Variants in HSPG2 observed in about 807,000 individuals in gnomAD.
The protein encoded by HSPG2 is basement membrane-specific heparan sulfate proteoglycan core protein.
Under a neutral mutation model 526.6 loss-of-function variants are expected in HSPG2, and 278 were observed. That is an observed-to-expected ratio of 0.53 (90% CI 0.48 to 0.58). HSPG2 has a LOEUF of 0.58. Ranked by LOEUF, HSPG2 falls within the 20% of genes least tolerant of loss-of-function variation. HSPG2 has a pLI of 0.00. For synonymous variants in HSPG2, 2,465 were observed against 2,555.4 expected (o/e 0.96, Z 1.07); for missense variants, 5,354 against 6,099.5 (o/e 0.88, Z 4.07).
intron 74 of HSPG2, among the ~76,000 whole-genome samples, chr1:21,838,513 G>A (rs555831939): frequency 4.6e-5 from 7 of 152,408 alleles, no homozygotes; most frequent in African/African-American, 1.7e-4. Context: ...TCCAGGCCCT[G>A]CCCTGAGCAT....
At chr1:21,863,987 G>A in intron 37 of HSPG2, 113 bp downstream of exon 37, 1 of 860,666 alleles carries the variant, frequency 1.2e-6, no homozygotes, top group Admixed American at 2.0e-5. Flanking sequence ...TTGAACCACA[G>A]GCCATGCCCC....
At chr1:21,900,701 A>C (rs994079557) in intron 1 of HSPG2, among the ~76,000 whole-genome samples, 2 of 152,200 alleles carry the variant, frequency 1.3e-5, no homozygotes, top group Admixed American at 6.5e-5. Context: ...CCTGGCCTAC[A>C]GGGTGAAACC....
intron 81 of HSPG2, among the ~76,000 whole-genome samples, 156 bp from the exon 82 acceptor site, chr1:21,831,952 C>T (rs374131505): frequency 2.0e-5 from 3 of 152,088 alleles, no homozygotes; most frequent in Non-Finnish European, 4.4e-5. Context: ...CCTGTCTTGT[C>T]GTCCCTCCCC....
At chr1:21,838,135 C>CAAAAAAAAAA (rs35291473) in intron 74 of HSPG2, among the ~76,000 whole-genome samples, 3 of 75,268 alleles carry the variant, frequency 4.0e-5, no homozygotes, top group African/African-American at 1.1e-4. Flanking sequence ...GATTCTGTCT[C>CAAAAAAAAAA]AAAAAAAAAA....
intron 13 of HSPG2, among the ~76,000 whole-genome samples, chr1:21,882,923 C>G (rs1044176043): frequency 2.6e-5 from 4 of 152,172 alleles, no homozygotes; most frequent in African/African-American, 9.7e-5. Context: ...AATGACCGAG[C>G]ACAGCCCCGG....
intron 1 of HSPG2, among the ~76,000 whole-genome samples, chr1:21,908,912 G>A (rs1036654140): frequency 6.6e-6 from 1 of 152,204 alleles, no homozygotes; most frequent in Non-Finnish European, 1.5e-5. Context: ...TTCGAGACCA[G>A]CCTGACCAAC....
At chr1:21,920,377 A>C (rs1644004722) in intron 1 of HSPG2, among the ~76,000 whole-genome samples, 1 of 152,130 alleles carries the variant, frequency 6.6e-6, no homozygotes, top group Non-Finnish European at 1.5e-5. Flanking sequence ...TAGCAGCCAC[A>C]GGCGTGGAGC....
chr1:21,882,279 TG>T (rs1641574665), intron 13 of HSPG2, among the ~76,000 whole-genome samples: 1 of 152,196 alleles, frequency 6.6e-6, no homozygotes, highest in Non-Finnish European at 1.5e-5. Flanking sequence ...ATCTGTAAGA[TG>T]GTGCTTAAAG....
chr1:21,887,092 G>C lies in HSPG2; in HGVS notation c.1078+123C>G. ...CCAGGGAGAGCAAACAAACAGGCTT[G>C]GGGGACTGGGGAGGGGGGAAAGCGG... On this transcript the variant is annotated intron_variant, in intron 9 of 96. Transcript: ENST00000374695. The surrounding 1 kb of genome is among the most constrained non-coding windows in gnomAD (Gnocchi z 5.0). The C allele has an allele frequency of 1.1e-5, 12 of 1,098,288 alleles. No homozygotes were observed. The highest frequency in any genetic ancestry group is 2.8e-4 in the Middle Eastern group (1 of 3,566). The allele number at this position is 1,098,288 out of a possible 1,614,324, so 68.0% of individuals were successfully genotyped here.
In HSPG2 at chr1:21,831,646, T is replaced by A. The variant is rs372782538; in HGVS notation, c.11352+6A>T. On this transcript the variant is annotated splice_donor_region_variant and intron_variant, in intron 82 of 96. Coordinates refer to ENST00000374695, the MANE Select transcript of HSPG2 (RefSeq NM_005529.7). ...CTGGAAGTAGCAGTATGGGGTTGGGTCTCACCTGGGAGGTCCCATTGACCG... is the reference window on the plus strand; with the variant it reads ...CTGGAAGTAGCAGTATGGGGTTGGGACTCACCTGGGAGGTCCCATTGACCG... The A allele has an allele frequency of 1.2e-6, 2 of 1,609,214 alleles. No individual in the cohort carries two copies. The highest frequency in any genetic ancestry group is 2.7e-5 in the African/African-American group (2 of 74,824).
At chr1:21,914,039 G>C (rs908233120) in intron 1 of HSPG2, among the ~76,000 whole-genome samples, 4 of 152,164 alleles carry the variant, frequency 2.6e-5, no homozygotes, top group African/African-American at 9.7e-5. Context: ...GTGTAGAGAG[G>C]GCCCAGTAAA....
rs1489590198 is a variant in HSPG2, at chr1:21,824,255, G to A, written c.12815+51C>T. On this transcript the variant is annotated intron_variant, in intron 94 of 96. Coordinates refer to ENST00000374695, the MANE Select transcript of HSPG2 (RefSeq NM_005529.7). The surrounding 1 kb of genome is among the most constrained non-coding windows in gnomAD (Gnocchi z 5.9). ...ATGAGCTGGGGCAGGACCGGGGGGT[G>A]GGGTGCTGGGACCAGGGAAGGGAGA... is the stretch of plus-strand genomic sequence containing the variant. 1.9e-6 allele frequency: 3 copies of A among 1,612,572 alleles called. No individual in the cohort carries two copies. Among genetic ancestry groups the A allele is most frequent in the Non-Finnish European group, 1.7e-6 (2 of 1,178,964 alleles).
At chr1:21,930,502 A>G (rs1188552627) in intron 1 of HSPG2, among the ~76,000 whole-genome samples, 1 of 152,236 alleles carries the variant, frequency 6.6e-6, no homozygotes, top group Non-Finnish European at 1.5e-5. Context: ...GGGCGGGTGC[A>G]GTGGCTCACG....
intron 1 of HSPG2, among the ~76,000 whole-genome samples, chr1:21,914,441 C>A (rs1452830408): frequency 6.6e-6 from 1 of 152,160 alleles, no homozygotes; most frequent in Non-Finnish European, 1.5e-5. Flanking sequence ...GGTTATCTAA[C>A]CCCCATGACT....
chr1:21,839,238 G>T lies in HSPG2; in HGVS notation c.9889+133C>A, dbSNP rs1463977493. 4 of 1,425,594 alleles carry T rather than the reference G, an allele frequency of 2.8e-6. No individual in the cohort carries two copies. The East Asian group carries it at 6.9e-5, about 24-fold the overall frequency. The allele number at this position is 1,425,594 out of a possible 1,614,324, so 88.3% of individuals were successfully genotyped here. ...TCCCAGGCCAGGGTGTGGGTGTCGG[G>T]CAGGGCAGGCTCCAGGACCCTGCAG... is the stretch of plus-strand genomic sequence containing the variant. On this transcript the variant is annotated intron_variant, in intron 73 of 96. Transcript: ENST00000374695. The surrounding 1 kb of genome is among the most constrained non-coding windows in gnomAD (Gnocchi z 4.5).
At position 21,890,020 on chromosome 1, in the gene HSPG2, T is replaced by C; in HGVS notation, c.535A>G (p.Thr179Ala). 1 of 1,613,376 alleles carries C rather than the reference T, an allele frequency of 6.2e-7. No individual in the cohort carries two copies. The highest frequency in any genetic ancestry group is 8.5e-7 in the Non-Finnish European group (1 of 1,179,828). Residue 179 changes from threonine (T) to alanine (A), a missense_variant, in exon 6 of 97, where the codon ACC becomes GCC. By Grantham distance (58) the Thr-to-Ala change is moderately conservative. Coordinates refer to ENST00000374695, the MANE Select transcript of HSPG2 (RefSeq NM_005529.7). The surrounding 1 kb of genome is among the most constrained non-coding windows in gnomAD (Gnocchi z 4.1). ...CGGAACTGGAATCCCTGGGGAGAGG[T>C]GACGTAGGAGGCCACAGAGCCGCTG... is the stretch of plus-strand genomic sequence containing the variant. Reference protein sequence around the residue: ...ISSGSVASYVTSPQGFQFRRL... With the variant: ...ISSGSVASYVASPQGFQFRRL...
chr1:21,842,133 C>T lies in HSPG2; in HGVS notation c.9062G>A (p.Ser3021Asn). Residue 3021 changes from serine to asparagine, a missense_variant, in exon 69 of 97, where the codon AGC becomes AAC. Transcript: ENST00000374695. ...PSEGSSYRLR[S>N]PVISIDPPSS... is the part of the protein sequence containing the mutation. ...GGGCGGGTCGATGGAGATGACCGGG[C>T]TCCTAAGGCCTGGGGCCAAAGGGGC... 6.2e-7 allele frequency: 1 copy of T among 1,613,734 alleles called. No individual in the cohort carries two copies. The highest frequency in any genetic ancestry group is 8.5e-7 in the Non-Finnish European group (1 of 1,180,010).
In HSPG2 at chr1:21,854,921, G is replaced by C. The variant is rs374592982; in HGVS notation, c.6060C>G (p.Ala2020=). Reference sequence around the variant, plus strand: ...TGGTGGCCACGCAGAGGTAGAAGCCGGCGTCAGCAGTCGTGATGGCTGGGA... The same window carrying C: ...TGGTGGCCACGCAGAGGTAGAAGCCCGCGTCAGCAGTCGTGATGGCTGGGA... ...LLIPAITTAD[A]GFYLCVATSP... Residue 2020 remains alanine, a synonymous_variant, in exon 48 of 97, where the codon GCC becomes GCG. Coordinates refer to ENST00000374695, the MANE Select transcript of HSPG2 (RefSeq NM_005529.7). 23 of 1,614,116 alleles carry C rather than the reference G, an allele frequency of 1.4e-5. No individual in the cohort carries two copies. Among genetic ancestry groups the C allele is most frequent in the African/African-American group, 9.3e-5 (7 of 75,060 alleles).
rs1389565522 is a variant in HSPG2, at chr1:21,847,523, A to C, written c.8026-31T>G. 6.2e-7 allele frequency: 1 copy of C among 1,613,078 alleles called. No homozygotes were observed. Among genetic ancestry groups the C allele is most frequent in the Non-Finnish European group, 8.5e-7 (1 of 1,179,714 alleles). On this transcript the variant is annotated intron_variant, in intron 61 of 96. Transcript: ENST00000374695. This position sits in a 1 kb window ranked among gnomAD's most constrained non-coding sequence, Gnocchi z 4.1. ...CGTGCGGATGGGGAAGGAGAGGGAG[A>C]GGGAGTGGAGGGACGCTGGGGTCAC...
Sources: allele counts gnomAD v4.1 joint callset (sites outside exome capture counted in the v4.1 genomes callset), GRCh38; gene constraint gnomAD v4.1.1; non-coding constraint Gnocchi (gnomAD v3.1); transcripts MANE v1.5; gene names NCBI Gene and HGNC (gene_info 2026-07-23, HGNC 2026-07-21).